Variants in FSTL4 observed in about 807,000 individuals in gnomAD.
The protein encoded by FSTL4 is follistatin-related protein 4.
FSTL4 carries 28 observed loss-of-function variants against 78.2 expected under a neutral mutation model. The ratio of observed to expected loss-of-function variants is 0.36; its 90% CI spans 0.27 to 0.49. The LOEUF is 0.49. FSTL4 is among the 20% of genes least tolerant of loss of function. The pLI is 0.98. For missense variants in FSTL4, 922 were observed against 1,084.9 expected, an observed-to-expected ratio of 0.85 and a Z score of 2.11; for synonymous variants, 422 against 440.5, an observed-to-expected ratio of 0.96 and a Z score of 0.53.
intron 3 of FSTL4, among the ~76,000 whole-genome samples, chr5:133,530,766 T>C (rs1029990877): frequency 6.6e-6 from 1 of 152,108 alleles, no homozygotes; most frequent in African/African-American, 2.4e-5. Context: ...CAAGGCACAT[T>C]GACAGAGGAG....
At chr5:133,805,118 G>T in the FSTL4 span, among the ~76,000 whole-genome samples, 1 of 151,584 alleles carries the variant, frequency 6.6e-6, no homozygotes, top group Non-Finnish European at 1.5e-5. Flanking sequence ...TCAGTCTTCA[G>T]ACTCAGTACT....
At chr5:133,240,056 C>T (rs1416920838) in intron 7 of FSTL4, among the ~76,000 whole-genome samples, 3 of 152,234 alleles carry the variant, frequency 2.0e-5, no homozygotes, top group Non-Finnish European at 4.4e-5. Context: ...ATAAATGCTG[C>T]TGCTCACTCT....
chr5:133,579,858 C>T (rs972693466), intron 2 of FSTL4, among the ~76,000 whole-genome samples: 10 of 152,116 alleles, frequency 6.6e-5, no homozygotes, highest in Admixed American at 5.9e-4. Context: ...CAGATACAGA[C>T]GGTCTGACAT....
intron 3 of FSTL4, among the ~76,000 whole-genome samples, chr5:133,487,825 G>A (rs546500188): frequency 5.1e-4 from 77 of 152,256 alleles, no homozygotes; most frequent in South Asian, 6.2e-4. Flanking sequence ...TGAGCACTTC[G>A]TGACTGTCTC....
the FSTL4 span, among the ~76,000 whole-genome samples, chr5:133,779,611 A>G: frequency 6.6e-6 from 1 of 152,096 alleles, no homozygotes; most frequent in African/African-American, 2.4e-5. Flanking sequence ...AAAAGAAACA[A>G]AATAAAATAA....
the FSTL4 span, among the ~76,000 whole-genome samples, chr5:133,838,834 A>C: frequency 6.6e-6 from 1 of 152,214 alleles, no homozygotes; most frequent in Non-Finnish European, 1.5e-5. Flanking sequence ...TCTGTGTTGA[A>C]GGGAAGAAAC....
At chr5:133,396,734 G>A (rs772069209) in intron 4 of FSTL4, among the ~76,000 whole-genome samples, 2 of 151,706 alleles carry the variant, frequency 1.3e-5, no homozygotes, top group Non-Finnish European at 2.9e-5. Context: ...AGAAGAAGAA[G>A]AAAAAAATGG....
chr5:133,612,890 T>C (rs1761134610), upstream of FSTL4, among the ~76,000 whole-genome samples: 2 of 152,146 alleles, frequency 1.3e-5, no homozygotes, highest in Non-Finnish European at 1.5e-5. The surrounding 1 kb of genome is among the most constrained non-coding windows in gnomAD (Gnocchi z 6.2). Context: ...CGGCCATTGC[T>C]CGTGGAGTCC....
the FSTL4 span, among the ~76,000 whole-genome samples, chr5:133,666,035 C>T: frequency 6.6e-6 from 1 of 151,820 alleles, no homozygotes; most frequent in Non-Finnish European, 1.5e-5. Context: ...AAGTCCCCTT[C>T]AGGAAAGTCA....
the FSTL4 span, among the ~76,000 whole-genome samples, chr5:133,759,649 A>G: frequency 6.6e-6 from 1 of 152,366 alleles, no homozygotes; most frequent in East Asian, 1.9e-4. Context: ...CATTTGTACC[A>G]TATAATCCTA....
chr5:133,781,365 TTGTGTGTG>T, the FSTL4 span, among the ~76,000 whole-genome samples: 34,912 of 143,156 alleles, frequency 0.24, 4,284 homozygotes, highest in South Asian at 0.37. Flanking sequence ...TGTTAAGCGG[TTGTGTGTG>T]TGTGTGTGTG....
At chr5:133,451,881 A>G (rs1398075017) in intron 3 of FSTL4, among the ~76,000 whole-genome samples, 1 of 152,228 alleles carries the variant, frequency 6.6e-6, no homozygotes, top group East Asian at 1.9e-4. Context: ...GGAAGAGAGC[A>G]TCGAGATTGC....
chr5:133,483,464 G>A (rs1758069570), intron 3 of FSTL4, among the ~76,000 whole-genome samples: 1 of 152,194 alleles, frequency 6.6e-6, no homozygotes, highest in African/African-American at 2.4e-5. Context: ...AGGATAAGCT[G>A]GCTGGGGCTC....
chr5:133,804,008 G>A, the FSTL4 span, among the ~76,000 whole-genome samples: 1 of 152,170 alleles, frequency 6.6e-6, no homozygotes, highest in Non-Finnish European at 1.5e-5. Flanking sequence ...CAAGGCTGGA[G>A]GCAGTTGAAA....
intron 14 of FSTL4, among the ~76,000 whole-genome samples, chr5:133,203,919 C>T (rs891361633): frequency 6.6e-6 from 1 of 152,204 alleles, no homozygotes; most frequent in Non-Finnish European, 1.5e-5. Context: ...TCACGAGTTC[C>T]TCCTCGGCTT....
chr5:133,757,128 C>A, the FSTL4 span, among the ~76,000 whole-genome samples: 1 of 152,136 alleles, frequency 6.6e-6, no homozygotes, highest in Non-Finnish European at 1.5e-5. Flanking sequence ...GTCTAACCTG[C>A]ACAAATGGTC....
chr5:133,625,209 C>G, the FSTL4 span, among the ~76,000 whole-genome samples: 1 of 151,520 alleles, frequency 6.6e-6, no homozygotes, highest in Admixed American at 6.6e-5. Context: ...GTTAGGTCCT[C>G]AAACATTTTG....
chr5:133,688,565 C>T, the FSTL4 span, among the ~76,000 whole-genome samples: 245 of 152,340 alleles, frequency 1.6e-3, 2 homozygotes, highest in African/African-American at 5.5e-3. Context: ...AGCCTCGAAA[C>T]AGTCCTTGTC....
intron 2 of FSTL4, among the ~76,000 whole-genome samples, chr5:133,572,632 C>A (rs938251862): frequency 2.6e-5 from 4 of 151,828 alleles, no homozygotes; most frequent in Non-Finnish European, 5.9e-5. Flanking sequence ...ATTAAAAAAA[C>A]CATAAAAATA....
Sources: gnomAD v4.1 joint callset for allele counts (sites outside exome capture counted in the v4.1 genomes callset) on GRCh38, gnomAD v4.1.1 for gene constraint, Gnocchi (gnomAD v3.1) non-coding constraint, MANE v1.5 for transcripts, NCBI Gene and HGNC (gene_info 2026-07-23, HGNC 2026-07-21) for gene names.